PBX1: variants seen among roughly 807,000 people sequenced by gnomAD.
PBX1 encodes PBX homeobox 1, also known as pre-B-cell leukemia transcription factor 1.
A neutral mutation model predicts 53.4 loss-of-function variants in PBX1; 6 were observed. The observed-to-expected ratio is 0.11, with a 90% CI of 0.06 to 0.22. The LOEUF is 0.22. PBX1 is among the 10% of genes least tolerant of loss of function. PBX1 has a pLI of 1.00. For missense variants in PBX1, 251 were observed against 551.4 expected, an observed-to-expected ratio of 0.46 and a Z score of 5.46; for synonymous variants, 204 against 212.3, an observed-to-expected ratio of 0.96 and a Z score of 0.34.
chr1:164,858,167 C>T (rs1049486695), intron 2 of PBX1, among the ~76,000 whole-genome samples: 2 of 152,012 alleles, frequency 1.3e-5, no homozygotes, highest in African/African-American at 4.8e-5. Context: ...TTCTTATTCA[C>T]TTTTCCACTG....
At chr1:164,639,355 T>G (rs1289240320) in intron 2 of PBX1, among the ~76,000 whole-genome samples, 1 of 152,184 alleles carries the variant, frequency 6.6e-6, no homozygotes, top group African/African-American at 2.4e-5. Context: ...TTTCCTTCTG[T>G]TTAGATTAGA....
chr1:164,664,778 C>CA (rs1557926744), intron 2 of PBX1, among the ~76,000 whole-genome samples: 1 of 151,792 alleles, frequency 6.6e-6, no homozygotes, highest in Admixed American at 6.6e-5. Context: ...TGGCAGCAGG[C>CA]AAAAAAAGAG....
chr1:164,812,981 T>G (rs1669693878), intron 6 of PBX1: 1 of 152,186 alleles, frequency 6.6e-6, no homozygotes, highest in Admixed American at 6.5e-5. Context: ...TTGGTTTGAC[T>G]TTGATTAGGG....
chr1:164,602,575 A>G (rs1571042896), intron 2 of PBX1, among the ~76,000 whole-genome samples: 1 of 152,250 alleles, frequency 6.6e-6, no homozygotes, highest in Non-Finnish European at 1.5e-5. Context: ...CAGCCTCCAC[A>G]GACACAAAGC....
chr1:164,798,734 G>A (rs74118203), intron 3 of PBX1, among the ~76,000 whole-genome samples: 31,365 of 152,134 alleles, frequency 0.21, 3,402 homozygotes, highest in South Asian at 0.28. Context: ...TTTTATTTCT[G>A]CAGGGATAGT....
intron 2 of PBX1, among the ~76,000 whole-genome samples, chr1:164,623,301 C>A (rs988399296): frequency 1.3e-5 from 2 of 152,186 alleles, no homozygotes; most frequent in Non-Finnish European, 2.9e-5. Context: ...AGAACGTCAC[C>A]CCCAGGTAAT....
chr1:164,580,440 G>A (rs956946316), intron 2 of PBX1, among the ~76,000 whole-genome samples: 2 of 151,746 alleles, frequency 1.3e-5, no homozygotes, highest in African/African-American at 4.8e-5. Context: ...CACCATGCCC[G>A]GCTAATTTTT....
intron 2 of PBX1, chr1:164,680,501 T>C (rs1461377000): frequency 6.6e-6 from 1 of 152,246 alleles, no homozygotes; most frequent in Non-Finnish European, 1.5e-5. Context: ...TATACTCTTA[T>C]GCAGTGGATC....
At chr1:164,776,560 C>T (rs1157876007) in intron 2 of PBX1, among the ~76,000 whole-genome samples, 1 of 152,142 alleles carries the variant, frequency 6.6e-6, no homozygotes, top group East Asian at 1.9e-4. Context: ...TGTTCTCTTC[C>T]CTTTGCCTTT....
chr1:164,675,245 AT>A (rs1325334822), intron 2 of PBX1, among the ~76,000 whole-genome samples: 1 of 152,064 alleles, frequency 6.6e-6, no homozygotes, highest in Non-Finnish European at 1.5e-5. Context: ...AGAAATATAA[AT>A]TTCCTTCTAG....
At chr1:164,583,005 A>T (rs889688618) in intron 2 of PBX1, among the ~76,000 whole-genome samples, 13 of 152,172 alleles carry the variant, frequency 8.5e-5, no homozygotes, top group Admixed American at 2.6e-4. Flanking sequence ...CAAAAGGGGA[A>T]AATTTAATTT....
chr1:164,587,175 T>C (rs1355428502), intron 2 of PBX1, among the ~76,000 whole-genome samples: 2 of 152,226 alleles, frequency 1.3e-5, no homozygotes, highest in African/African-American at 2.4e-5. Context: ...AGGTAAGATG[T>C]ACTGCTATCT....
intron 2 of PBX1, among the ~76,000 whole-genome samples, chr1:164,619,608 A>G (rs768191523): frequency 9.9e-5 from 15 of 151,658 alleles, no homozygotes; most frequent in Non-Finnish European, 1.9e-4. Context: ...GGAGCAGTTC[A>G]CCTCCCTTGG....
intron 8 of PBX1, among the ~76,000 whole-genome samples, chr1:164,826,506 G>T (rs1670470867): frequency 1.3e-5 from 2 of 152,024 alleles, no homozygotes; most frequent in Admixed American, 1.3e-4. Flanking sequence ...CTGGGTTCAA[G>T]CGATTCTTGT....
At chr1:164,564,441 T>C (rs1180070558) in intron 2 of PBX1, among the ~76,000 whole-genome samples, 1 of 152,094 alleles carries the variant, frequency 6.6e-6, no homozygotes, top group African/African-American at 2.4e-5. Context: ...GTGGCTTTCT[T>C]TTTGAGAGCT....
chr1:164,791,305 G>T (rs1300982019), intron 2 of PBX1, among the ~76,000 whole-genome samples: 1 of 151,886 alleles, frequency 6.6e-6, no homozygotes, highest in Non-Finnish European at 1.5e-5. Flanking sequence ...ACCACCAAGG[G>T]TCCTGGTGTT....
intron 2 of PBX1, among the ~76,000 whole-genome samples, chr1:164,878,969 A>G (rs1294094093): frequency 6.6e-6 from 1 of 152,186 alleles, no homozygotes; most frequent in Non-Finnish European, 1.5e-5. Flanking sequence ...TGTTCTTTGT[A>G]TGAGCCTCAG....
intron 2 of PBX1, among the ~76,000 whole-genome samples, chr1:164,722,315 C>T (rs1274973561): frequency 2.0e-5 from 3 of 152,196 alleles, no homozygotes; most frequent in Non-Finnish European, 4.4e-5. Context: ...TATAGACTTT[C>T]AGGTCTACTG....
chr1:164,697,828 A>T (rs1662878158), intron 2 of PBX1, among the ~76,000 whole-genome samples: 1 of 152,234 alleles, frequency 6.6e-6, no homozygotes, highest in Non-Finnish European at 1.5e-5. Flanking sequence ...AAGAAAAGTC[A>T]TAAAAGCAGA....
Sources: gnomAD v4.1 joint callset for allele counts (sites outside exome capture counted in the v4.1 genomes callset) on GRCh38, gnomAD v4.1.1 for gene constraint, MANE v1.5 for transcripts, NCBI Gene and HGNC (gene_info 2026-07-23, HGNC 2026-07-21) for gene names.